The following C3orf49 variants were observed in gnomAD, a reference collection of about 807,000 sequenced individuals.
C3orf49 encodes chromosome 3 open reading frame 49.
In C3orf49, 27 loss-of-function variants were observed where a neutral mutation model predicts 13.3. That is an observed-to-expected ratio of 2.02 (90% CI 1.49 to 2.79). C3orf49 has a LOEUF of 2.79. C3orf49 is among the 30% of genes most tolerant of loss of function. The pLI is 0.00. For synonymous variants in C3orf49, 87 were observed against 47.6 expected (o/e 1.83, Z -3.40); for missense variants, 242 against 134.2 (o/e 1.80, Z -3.97).
chr3:63,821,806 T>G (rs150412118), intron 1 of C3orf49, among the ~76,000 whole-genome samples: 134 of 151,918 alleles, frequency 8.8e-4, no homozygotes, highest in African/African-American at 3.2e-3. Context: ...GGGGGACCAG[T>G]GGATAGTGGA....
rs1302888465 is a variant in C3orf49 at position 63,831,243 on chromosome 3, A to T, written c.684+20A>T. 1.4e-6 allele frequency: 1 copy of T among 698,424 alleles called. No homozygotes were observed. Among genetic ancestry groups the T allele is most frequent in the Non-Finnish European group, 2.6e-6 (1 of 383,766 alleles). 43.3% of individuals were successfully genotyped at this position (698,424 alleles called of 1,614,324 possible). On this transcript the variant is annotated intron_variant, in intron 4 of 6. Coordinates refer to ENST00000295896, the MANE Select transcript of C3orf49 (RefSeq NM_001355236.2). ...ATGCAGGTAGTGGACAAAGGCTTTT[A>T]ACTTTTGAGTCTCAGAAGCATCAGA...
chr3:63,807,441 A>T, the C3orf49 span, among the ~76,000 whole-genome samples: 2 of 152,176 alleles, frequency 1.3e-5, no homozygotes, highest in African/African-American at 2.4e-5. Context: ...TTATACAGCT[A>T]ATCAGTGGCA....
the C3orf49 span, among the ~76,000 whole-genome samples, chr3:63,801,951 T>C: frequency 6.6e-6 from 1 of 152,218 alleles, no homozygotes; most frequent in Non-Finnish European, 1.5e-5. Context: ...TTTCAACACA[T>C]ATTTATTGAA....
At chr3:63,839,596 A>G (rs1341364913) in intron 5 of C3orf49, 1 of 1,426,688 alleles carries the variant, frequency 7.0e-7, no homozygotes, top group Non-Finnish European at 9.9e-7. Flanking sequence ...CAGGACCTTA[A>G]TATAGGGCCT....
the C3orf49 span, chr3:63,805,037 C>T: frequency 2.6e-5 from 4 of 152,188 alleles, no homozygotes; most frequent in African/African-American, 7.2e-5. Flanking sequence ...AACATACTTA[C>T]TTCCCAAAGA....
At chr3:63,829,720 G>A (rs1274817126) in intron 3 of C3orf49, among the ~76,000 whole-genome samples, 1 of 152,026 alleles carries the variant, frequency 6.6e-6, no homozygotes, top group Non-Finnish European at 1.5e-5. Flanking sequence ...TGGCACTTTG[G>A]GAGGCTGGTA....
At chr3:63,786,763 C>G in the C3orf49 span, among the ~76,000 whole-genome samples, 12 of 152,206 alleles carry the variant, frequency 7.9e-5, no homozygotes, top group African/African-American at 2.9e-4. Flanking sequence ...TTATCCCTAT[C>G]TCACAGATAG....
the C3orf49 span, among the ~76,000 whole-genome samples, chr3:63,790,370 A>C: frequency 6.6e-6 from 1 of 152,176 alleles, no homozygotes; most frequent in Non-Finnish European, 1.5e-5. Flanking sequence ...TAACAGGCTG[A>C]CCAAAGTAAT....
At chr3:63,827,848 T>A in intron 3 of C3orf49, 123 bp downstream of exon 3, 1 of 567,048 alleles carries the variant, frequency 1.8e-6, no homozygotes, top group Non-Finnish European at 3.2e-6. Context: ...ATCTGCTGCT[T>A]CTGTCTCCTC....
At chr3:63,785,133 C>CGTG in the C3orf49 span, among the ~76,000 whole-genome samples, 5 of 124,248 alleles carry the variant, frequency 4.0e-5, no homozygotes, top group Admixed American at 1.1e-4. Flanking sequence ...AGTGCAGTGG[C>CGTG]GTGATCTCGG....
intron 5 of C3orf49, chr3:63,836,263 A>G: frequency 6.3e-7 from 1 of 1,585,286 alleles, no homozygotes. Context: ...ATTTATGTAT[A>G]AAGGTTAGTT....
intron 1 of C3orf49, among the ~76,000 whole-genome samples, chr3:63,822,855 T>C (rs185783199): frequency 1.5e-4 from 23 of 152,332 alleles, no homozygotes; most frequent in Middle Eastern, 3.4e-3. Context: ...AAAAACTATG[T>C]CAAACTATCA....
At chr3:63,786,759 C>T in the C3orf49 span, among the ~76,000 whole-genome samples, 7 of 152,200 alleles carry the variant, frequency 4.6e-5, no homozygotes, top group Admixed American at 2.0e-4. Context: ...GATATTATCC[C>T]TATCTCACAG....
intron 6 of C3orf49, among the ~76,000 whole-genome samples, chr3:63,847,280 T>A (rs969129233): frequency 2.0e-5 from 3 of 152,202 alleles, no homozygotes; most frequent in Non-Finnish European, 4.4e-5. Context: ...AATTTCCTTG[T>A]CAATTTCATC....
At chr3:63,794,223 A>C in the C3orf49 span, among the ~76,000 whole-genome samples, 4 of 151,466 alleles carry the variant, frequency 2.6e-5, no homozygotes, top group African/African-American at 9.8e-5. Context: ...AAAAGAACGA[A>C]CATGCAATTA....
intron 5 of C3orf49, among the ~76,000 whole-genome samples, chr3:63,841,951 T>C (rs550823630): frequency 6.6e-6 from 1 of 152,332 alleles, no homozygotes; most frequent in South Asian, 2.1e-4. Context: ...GCTACATGCC[T>C]GGATCTCCAA....
intron 2 of C3orf49, among the ~76,000 whole-genome samples, chr3:63,825,901 G>T (rs746803557): frequency 6.6e-6 from 1 of 152,186 alleles, no homozygotes; most frequent in Non-Finnish European, 1.5e-5. Context: ...AGGGGTCTCA[G>T]GAAAGGCTTC....
chr3:63,804,680 T>C, the C3orf49 span, among the ~76,000 whole-genome samples: 3 of 152,294 alleles, frequency 2.0e-5, no homozygotes, highest in Non-Finnish European at 4.4e-5. Flanking sequence ...TTTACAATTT[T>C]ATGTTAGATT....
chr3:63,790,351 G>A, the C3orf49 span, among the ~76,000 whole-genome samples: 8 of 152,138 alleles, frequency 5.3e-5, no homozygotes, highest in Non-Finnish European at 8.8e-5. Context: ...GCCCAGGAAT[G>A]TGAATTTCTA....
Sources: gnomAD v4.1 joint callset for allele counts (sites outside exome capture counted in the v4.1 genomes callset) on GRCh38, gnomAD v4.1.1 for gene constraint, MANE v1.5 for transcripts, NCBI Gene and HGNC (gene_info 2026-07-23, HGNC 2026-07-21) for gene names.